FSTL5: variants seen among roughly 807,000 people sequenced by gnomAD.
FSTL5 encodes the protein follistatin-related protein 5.
In FSTL5, 62 loss-of-function variants were observed where a neutral mutation model predicts 89.1. That is an observed-to-expected ratio of 0.70 (90% CI 0.57 to 0.86). The LOEUF is 0.86. FSTL5 is among the 40% of genes least tolerant of loss of function. FSTL5 has a pLI of 0.00. For synonymous variants in FSTL5, 383 were observed against 346.2 expected (o/e 1.11, Z -1.18); for missense variants, 1,057 against 1,001.6 (o/e 1.06, Z -0.75).
chr4:161,465,648 G>A (rs1432164409), intron 13 of FSTL5, among the ~76,000 whole-genome samples: 2 of 152,118 alleles, frequency 1.3e-5, no homozygotes, highest in African/African-American at 4.8e-5. Flanking sequence ...GTCTTGAGAA[G>A]CCTATGGAAA....
chr4:162,142,056 T>C (rs1408497878), intron 1 of FSTL5, among the ~76,000 whole-genome samples: 2 of 152,042 alleles, frequency 1.3e-5, no homozygotes, highest in Non-Finnish European at 2.9e-5. Flanking sequence ...TGGGTAGAGG[T>C]CAGAAATTCT....
At chr4:161,518,716 A>T (rs551967814) in intron 10 of FSTL5, among the ~76,000 whole-genome samples, 1 of 152,330 alleles carries the variant, frequency 6.6e-6, no homozygotes, top group East Asian at 1.9e-4. Flanking sequence ...TAAAAACAAC[A>T]TCCATCTTTC....
intron 6 of FSTL5, among the ~76,000 whole-genome samples, chr4:161,714,658 T>C (rs776763914): frequency 6.6e-6 from 1 of 152,146 alleles, no homozygotes; most frequent in Non-Finnish European, 1.5e-5. Flanking sequence ...CACCTTTACA[T>C]ACTAACCAAT....
chr4:162,078,091 T>C (rs1202835078), intron 2 of FSTL5, among the ~76,000 whole-genome samples: 1 of 151,842 alleles, frequency 6.6e-6, no homozygotes, highest in Non-Finnish European at 1.5e-5. Flanking sequence ...GACCAGCCAA[T>C]TCCTAGGGCA....
At chr4:161,824,631 T>G (rs1429969068) in intron 4 of FSTL5, among the ~76,000 whole-genome samples, 1 of 152,204 alleles carries the variant, frequency 6.6e-6, no homozygotes, top group Non-Finnish European at 1.5e-5. Flanking sequence ...TTTTGTAGTT[T>G]TCTTTTTAGA....
chr4:161,418,961 AT>A (rs2126307750), intron 15 of FSTL5, among the ~76,000 whole-genome samples: 1 of 152,326 alleles, frequency 6.6e-6, no homozygotes, highest in Admixed American at 6.5e-5. Flanking sequence ...CGGTTAGCCC[AT>A]CTGCAGTACT....
intron 4 of FSTL5, among the ~76,000 whole-genome samples, chr4:161,804,377 T>C (rs540826372): frequency 6.6e-6 from 1 of 152,124 alleles, no homozygotes; most frequent in East Asian, 1.9e-4. Context: ...CACAGATGTG[T>C]TCTGAGTTAT....
intron 6 of FSTL5, among the ~76,000 whole-genome samples, chr4:161,693,247 A>G (rs895295567): frequency 6.6e-6 from 1 of 152,214 alleles, no homozygotes; most frequent in Admixed American, 6.5e-5. Flanking sequence ...CATAAGGAAT[A>G]TTAAATTGTA....
intron 7 of FSTL5, among the ~76,000 whole-genome samples, chr4:161,608,532 T>C (rs544088710): frequency 6.6e-6 from 1 of 151,820 alleles, no homozygotes; most frequent in Non-Finnish European, 1.5e-5. Context: ...GTAAAAAGAG[T>C]AATTGCAAAT....
At chr4:161,484,519 C>T (rs557638966) in intron 12 of FSTL5, among the ~76,000 whole-genome samples, 1 of 152,290 alleles carries the variant, frequency 6.6e-6, no homozygotes, top group East Asian at 1.9e-4. Flanking sequence ...ATTAATATTT[C>T]CATTTCAATC....
intron 7 of FSTL5, among the ~76,000 whole-genome samples, chr4:161,619,525 G>A (rs1013095622): frequency 2.6e-5 from 4 of 152,144 alleles, no homozygotes; most frequent in African/African-American, 7.2e-5. Context: ...CAAAAAGTGG[G>A]CGAAGGACAT....
At chr4:161,817,608 C>A (rs1228556673) in intron 4 of FSTL5, among the ~76,000 whole-genome samples, 2 of 152,004 alleles carry the variant, frequency 1.3e-5, no homozygotes, top group Non-Finnish European at 1.5e-5. Context: ...TTTATTTTTT[C>A]TTGAGTATTT....
At chr4:162,104,303 G>C (rs772828427) in intron 2 of FSTL5, among the ~76,000 whole-genome samples, 8 of 152,262 alleles carry the variant, frequency 5.3e-5, no homozygotes, top group Non-Finnish European at 8.8e-5. Flanking sequence ...TTCCAACAGA[G>C]CTATAACACT....
intron 4 of FSTL5, among the ~76,000 whole-genome samples, chr4:161,797,593 G>T (rs1350244861): frequency 1.3e-5 from 2 of 151,376 alleles, no homozygotes; most frequent in Non-Finnish European, 3.0e-5. Context: ...GATTTCTGAT[G>T]ATTATATTTC....
At chr4:161,812,574 G>T (rs79937419) in intron 4 of FSTL5, among the ~76,000 whole-genome samples, 1 of 151,812 alleles carries the variant, frequency 6.6e-6, no homozygotes, top group South Asian at 2.1e-4. Context: ...TTCTAATTAA[G>T]ACTAAAAAAA....
intron 4 of FSTL5, among the ~76,000 whole-genome samples, chr4:161,821,731 T>C (rs1233154967): frequency 6.6e-6 from 1 of 152,210 alleles, no homozygotes; most frequent in East Asian, 1.9e-4. Context: ...TCCAGGTCAC[T>C]TCAAATGCCA....
At chr4:161,724,169 A>G (rs1271647071) in intron 6 of FSTL5, among the ~76,000 whole-genome samples, 2 of 152,152 alleles carry the variant, frequency 1.3e-5, no homozygotes, top group Non-Finnish European at 2.9e-5. Context: ...AAAAATTACA[A>G]AAATGTTTCT....
At chr4:162,037,710 G>A (rs540687204) in intron 2 of FSTL5, among the ~76,000 whole-genome samples, 151 of 151,986 alleles carry the variant, frequency 9.9e-4, no homozygotes, top group African/African-American at 2.7e-3. Context: ...AGGGAAACTA[G>A]TAATTAATTA....
chr4:161,790,343 T>C (rs1316975420), intron 4 of FSTL5, among the ~76,000 whole-genome samples: 2 of 152,188 alleles, frequency 1.3e-5, no homozygotes, highest in East Asian at 3.9e-4. Flanking sequence ...GGAGCAAGTA[T>C]AGCCTTTGAG....
Sources: gnomAD v4.1 joint callset for allele counts (sites outside exome capture counted in the v4.1 genomes callset) on GRCh38, gnomAD v4.1.1 for gene constraint, MANE v1.5 for transcripts, NCBI Gene and HGNC (gene_info 2026-07-23, HGNC 2026-07-21) for gene names.